PCDHGA10: variants seen among roughly 807,000 people sequenced by gnomAD.
The protein encoded by PCDHGA10 is protocadherin gamma subfamily A, 10, also known as protocadherin gamma-A10.
PCDHGA10 carries 42 observed loss-of-function variants against 59.5 expected under a neutral mutation model. That is an observed-to-expected ratio of 0.71 (90% CI 0.55 to 0.91). The LOEUF (loss-of-function observed/expected upper bound fraction) is 0.91. Ranked by LOEUF, PCDHGA10 falls within the 40% of genes least tolerant of loss-of-function variation. The probability of loss-of-function intolerance (pLI) is 0.00; values close to 1 mark genes in which losing one functional copy is unlikely to be tolerated. For missense variants in PCDHGA10, 1,111 were observed against 1,198.2 expected (o/e 0.93, Z 1.07); for synonymous variants, 511 against 517.2 (o/e 0.99, Z 0.16).
At chr5:141,502,512 T>C (rs1029375922) in intron 2 of PCDHGA10, among the ~76,000 whole-genome samples, 2 of 152,212 alleles carry the variant, frequency 1.3e-5, no homozygotes, top group East Asian at 1.9e-4. Context: ...CCTGTCCCAC[T>C]ATCAGTGATG....
At chr5:141,500,086 A>G (rs1456179271) in intron 2 of PCDHGA10, among the ~76,000 whole-genome samples, 1 of 151,682 alleles carries the variant, frequency 6.6e-6, no homozygotes, top group Non-Finnish European at 1.5e-5. Flanking sequence ...TCCATCTTCC[A>G]TTTTTGCAAT....
rs1374094845 is a variant in PCDHGA10, at chr5:141,476,576, T to A, written c.2437-18231T>A. On this transcript the variant is annotated intron_variant, in intron 1 of 3. Coordinates refer to ENST00000398610, the MANE Select transcript of PCDHGA10 (RefSeq NM_018913.3). The surrounding 1 kb of genome is among the most constrained non-coding windows in gnomAD (Gnocchi z 7.6). Reference sequence around the variant, plus strand: ...CGAGGCCGTGGCTCCGGGGACGCGCTTTCCGCTCGAGAGCGCGCACGATCC... The same window carrying A: ...CGAGGCCGTGGCTCCGGGGACGCGCATTCCGCTCGAGAGCGCGCACGATCC... 3 of 1,614,102 alleles carry A rather than the reference T, an allele frequency of 1.9e-6. No individual in the cohort carries two copies. Among genetic ancestry groups the A allele is most frequent in the Middle Eastern group, 1.6e-4 (1 of 6,084 alleles).
chr5:141,446,778 T>C (rs2098515519), intron 1 of PCDHGA10, among the ~76,000 whole-genome samples: 1 of 152,116 alleles, frequency 6.6e-6, no homozygotes, highest in South Asian at 2.1e-4. Flanking sequence ...GTTACCATTC[T>C]TTTACTCTGA....
chr5:141,491,254 G>A lies in PCDHGA10; in HGVS notation c.2437-3553G>A, dbSNP rs746242389. ...GCTGGTTCTGGAGGATGAGGACCCT[G>A]AGGAAATGCCCAAATCCAGTGACTT... is the stretch of plus-strand genomic sequence containing the variant. On this transcript the variant is annotated intron_variant, in intron 1 of 3. Coordinates refer to ENST00000398610, the MANE Select transcript of PCDHGA10 (RefSeq NM_018913.3). This position sits in a 1 kb window ranked among gnomAD's most constrained non-coding sequence, Gnocchi z 6.9. 24 of 1,614,198 alleles carry A rather than the reference G, an allele frequency of 1.5e-5. No individual in the cohort carries two copies. The highest frequency in any genetic ancestry group is 2.0e-5 in the Non-Finnish European group (24 of 1,180,018).
chr5:141,505,628 A>C, intron 3 of PCDHGA10, 147 bp downstream of exon 3: 1 of 1,481,752 alleles, frequency 6.7e-7, no homozygotes, highest in Non-Finnish European at 9.0e-7. Flanking sequence ...ACAATTCCAA[A>C]CATAAAGCCT....
rs151105903 is a variant in PCDHGA10 at position 141,419,964 on chromosome 5, T to C, written c.2436+4353T>C. ...GTGGCCTTGGCCTTGATTTCTGTGC[T>C]CTTTCTCCTCGCGGTGATTCTAGCT... On this transcript the variant is annotated intron_variant, in intron 1 of 3. Transcript: ENST00000398610. 3.7e-6 allele frequency: 6 copies of C among 1,614,082 alleles called. No individual in the cohort carries two copies. Among genetic ancestry groups the C allele is most frequent in the Non-Finnish European group, 4.2e-6 (5 of 1,179,900 alleles).
chr5:141,490,862 C>G lies in PCDHGA10; in HGVS notation c.2437-3945C>G. 1 of 1,613,878 alleles carries G rather than the reference C, an allele frequency of 6.2e-7. No homozygotes were observed. Among genetic ancestry groups the G allele is most frequent in the East Asian group, 2.2e-5 (1 of 44,874 alleles). ...GTGGTGGGGGTTCGAGACTCCGGCTCTCCCCCATTGCATGCCAACACATCT... is the reference window on the plus strand; with the variant it reads ...GTGGTGGGGGTTCGAGACTCCGGCTGTCCCCCATTGCATGCCAACACATCT... On this transcript the variant is annotated intron_variant, in intron 1 of 3. Coordinates refer to ENST00000398610, the MANE Select transcript of PCDHGA10 (RefSeq NM_018913.3). The surrounding 1 kb of genome is among the most constrained non-coding windows in gnomAD (Gnocchi z 5.4).
In PCDHGA10 at chr5:141,489,662, G is replaced by C; in HGVS notation, c.2437-5145G>C. 8.1e-6 allele frequency: 13 copies of C among 1,614,144 alleles called. No individual in the cohort carries two copies. The highest frequency in any genetic ancestry group is 1.1e-5 in the Non-Finnish European group (13 of 1,180,010). On this transcript the variant is annotated intron_variant, in intron 1 of 3. Coordinates refer to ENST00000398610, the MANE Select transcript of PCDHGA10 (RefSeq NM_018913.3). This position sits in a 1 kb window ranked among gnomAD's most constrained non-coding sequence, Gnocchi z 4.5. The stretch of plus-strand genomic sequence containing the variant: ...TTTGCCACCCCTGAGCGAGAGATGC[G>C]CATCTCAGAATCAGCAGCATCTGGG...
rs771744120 is a variant in PCDHGA10 at position 141,485,876 on chromosome 5, G to A, written c.2437-8931G>A. ...AGAGCTCCGGGTATCCGTGCTGGAC[G>A]TAAACGACAACGCCCCAGCCTTCCA... On this transcript the variant is annotated intron_variant, in intron 1 of 3. Transcript: ENST00000398610. This position sits in a 1 kb window ranked among gnomAD's most constrained non-coding sequence, Gnocchi z 5.7. 1 of 1,614,174 alleles carries A rather than the reference G, an allele frequency of 6.2e-7. No homozygotes were observed. Among genetic ancestry groups the A allele is most frequent in the Non-Finnish European group, 8.5e-7 (1 of 1,180,030 alleles).
At position 141,485,402 on chromosome 5, in the gene PCDHGA10, G is replaced by T. The variant is rs375700791; in HGVS notation, c.2437-9405G>T. ...AGAGGTGAACCAAAGACACTTCCGTGTGGATTTGGACAGCGGAGCCCTGCT... is the reference window on the plus strand; with the variant it reads ...AGAGGTGAACCAAAGACACTTCCGTTTGGATTTGGACAGCGGAGCCCTGCT... On this transcript the variant is annotated intron_variant, in intron 1 of 3. Coordinates refer to ENST00000398610, the MANE Select transcript of PCDHGA10 (RefSeq NM_018913.3). This position sits in a 1 kb window ranked among gnomAD's most constrained non-coding sequence, Gnocchi z 5.7. The T allele has an allele frequency of 6.2e-7, 1 of 1,614,194 alleles. No homozygotes were observed. Among genetic ancestry groups the T allele is most frequent in the East Asian group, 2.2e-5 (1 of 44,878 alleles).
chr5:141,464,676 T>C (rs1337677151), intron 1 of PCDHGA10, among the ~76,000 whole-genome samples: 3 of 152,176 alleles, frequency 2.0e-5, no homozygotes, highest in Non-Finnish European at 2.9e-5. Context: ...ATAATTTTAA[T>C]TAAAATTTCT....
chr5:141,506,380 TG>T (rs2099852860), intron 3 of PCDHGA10, among the ~76,000 whole-genome samples: 1 of 141,314 alleles, frequency 7.1e-6, no homozygotes, highest in Non-Finnish European at 1.5e-5. Flanking sequence ...ACCTGGGAGG[TG>T]GCTGTGGTGA....
chr5:141,431,768 G>T lies in PCDHGA10; in HGVS notation c.2436+16157G>T. 6.2e-7 allele frequency: 1 copy of T among 1,614,218 alleles called. No individual in the cohort carries two copies. The highest frequency in any genetic ancestry group is 8.5e-7 in the Non-Finnish European group (1 of 1,180,036). On this transcript the variant is annotated intron_variant, in intron 1 of 3. Coordinates refer to ENST00000398610, the MANE Select transcript of PCDHGA10 (RefSeq NM_018913.3). The surrounding 1 kb of genome is among the most constrained non-coding windows in gnomAD (Gnocchi z 4.8). ...TGCGCGAGCCAAAGTCCTGATCACT[G>T]TTCTGGACGTGAACGACAATGCCCC...
chr5:141,415,815 A>G, intron 1 of PCDHGA10: 1 of 1,337,656 alleles, frequency 7.5e-7, no homozygotes, highest in East Asian at 2.7e-5. Context: ...AGGCCTATAT[A>G]TCATAAGGCT....
chr5:141,414,898 G>T lies in PCDHGA10; in HGVS notation c.1723G>T (p.Gly575Cys). 1 of 1,614,190 alleles carries T rather than the reference G, an allele frequency of 6.2e-7. No individual in the cohort carries two copies. Among genetic ancestry groups the T allele is most frequent in the East Asian group, 2.2e-5 (1 of 44,874 alleles). Residue 575 changes from glycine to cysteine, a missense_variant, in exon 1 of 4, where the codon GGT becomes TGT. Coordinates refer to ENST00000398610, the MANE Select transcript of PCDHGA10 (RefSeq NM_018913.3). ...EILYPALPTD[G>C]STGVELAPRS... ...CCTGTACCCCGCCCTCCCCACAGAC[G>T]GTTCCACAGGCGTGGAGCTGGCGCC... is the stretch of plus-strand genomic sequence containing the variant.
intron 1 of PCDHGA10, among the ~76,000 whole-genome samples, chr5:141,454,266 C>T (rs2098785508): frequency 1.3e-5 from 2 of 152,132 alleles, no homozygotes; most frequent in African/African-American, 4.8e-5. Flanking sequence ...AAAGTAATGC[C>T]AGCAAAAACT....
chr5:141,454,865 TG>T (rs2098805228), intron 1 of PCDHGA10, among the ~76,000 whole-genome samples: 1 of 135,344 alleles, frequency 7.4e-6, no homozygotes, highest in Non-Finnish European at 1.5e-5. Flanking sequence ...TGGAGTGCAG[TG>T]GCACGATCTT....
At chr5:141,483,772 G>C (rs2099586910) in intron 1 of PCDHGA10, among the ~76,000 whole-genome samples, 1 of 152,140 alleles carries the variant, frequency 6.6e-6, no homozygotes, top group Non-Finnish European at 1.5e-5. Flanking sequence ...AAAAATATTG[G>C]GGAAGGATAA....
chr5:141,440,563 T>C (rs1048420758), intron 1 of PCDHGA10: 3 of 152,250 alleles, frequency 2.0e-5, no homozygotes, highest in Admixed American at 6.5e-5. Flanking sequence ...TTAAGTTACG[T>C]ATCTCTGAGT....
Sources: gnomAD v4.1 joint callset for allele counts (sites outside exome capture counted in the v4.1 genomes callset) on GRCh38, gnomAD v4.1.1 for gene constraint, Gnocchi (gnomAD v3.1) non-coding constraint, MANE v1.5 for transcripts, NCBI Gene and HGNC (gene_info 2026-07-23, HGNC 2026-07-21) for gene names.